The following FAM216A variants were observed in gnomAD, a reference collection of about 807,000 sequenced individuals.
FAM216A encodes protein FAM216A.
A neutral mutation model predicts 37.6 loss-of-function variants in FAM216A; 26 were observed. That is an observed-to-expected ratio of 0.69 (90% CI 0.51 to 0.96). The LOEUF (loss-of-function observed/expected upper bound fraction) is 0.96. Ranked by LOEUF, FAM216A falls within the 40% of genes least tolerant of loss-of-function variation. FAM216A has a pLI of 0.00. For synonymous variants in FAM216A, 110 were observed against 121.7 expected, an observed-to-expected ratio of 0.90 and a Z score of 0.64; for missense variants, 326 against 339.3, an observed-to-expected ratio of 0.96 and a Z score of 0.31.
intron 5 of FAM216A, chr12:110,487,512 A>T (rs1248786517): frequency 4.9e-6 from 1 of 202,550 alleles, no homozygotes; most frequent in African/African-American, 2.4e-5. Flanking sequence ...TTGTGGAATT[A>T]TAAAAATTTC....
chr12:110,488,027 T>C (rs567366191), intron 6 of FAM216A, 84 bp downstream of exon 6: 10 of 797,872 alleles, frequency 1.3e-5, no homozygotes, highest in South Asian at 1.1e-4. Context: ...ATTTCTATTA[T>C]GAAGATATTA....
intron 5 of FAM216A, chr12:110,487,090 T>C (rs2062781518): frequency 6.0e-6 from 1 of 166,656 alleles, no homozygotes; most frequent in Non-Finnish European, 1.3e-5. Context: ...CCTAATATAT[T>C]CACTTTGCTA....
chr12:110,470,557 A>G (rs1444105485), intron 1 of FAM216A, among the ~76,000 whole-genome samples: 1 of 151,246 alleles, frequency 6.6e-6, no homozygotes, highest in African/African-American at 2.4e-5. Flanking sequence ...AGCTAACTGC[A>G]ACCTCCGCCT....
At chr12:110,468,666 C>A, upstream of FAM216A, 1 of 1,536,622 alleles carries the variant, frequency 6.5e-7, no homozygotes, top group Non-Finnish European at 8.7e-7. Flanking sequence ...CGCACTGCTT[C>A]CACAGAGAGG....
intron 1 of FAM216A, 116 bp downstream of exon 1, chr12:110,469,134 G>C: frequency 8.3e-7 from 1 of 1,199,924 alleles, no homozygotes; most frequent in Non-Finnish European, 1.1e-6. Context: ...TCGGGGGCTG[G>C]CCCCGGTGCC....
In FAM216A at chr12:110,468,903, G is replaced by T. The variant is rs1253057015; in HGVS notation, c.28G>T (p.Ala10Ser). Residue 10 changes from alanine (A) to serine (S), a missense_variant, in exon 1 of 7, where the codon GCT becomes TCT. Physicochemically the swap from Ala to Ser is moderately conservative, Grantham distance 99. Coordinates refer to ENST00000377673, the MANE Select transcript of FAM216A (RefSeq NM_013300.3). ...GCTGGGACAGCTGCTCCCGCACACG[G>T]CTCGCGGTCTCGGCGCCGCGGAGAT... MLGQLLPHT[A>S]RGLGAAEMPG... 1.3e-6 allele frequency: 2 copies of T among 1,520,844 alleles called. No homozygotes were observed. The highest frequency in any genetic ancestry group is 2.5e-5 in the East Asian group (1 of 40,488). 94.2% of individuals were successfully genotyped at this position (1,520,844 alleles called of 1,614,324 possible).
intron 1 of FAM216A, among the ~76,000 whole-genome samples, chr12:110,471,181 G>A (rs190589348): frequency 1.1e-4 from 16 of 151,836 alleles, no homozygotes; most frequent in Admixed American, 1.1e-3. Context: ...TGCAACCTCC[G>A]CCTCCCAGGT....
intron 1 of FAM216A, 22 bp from the exon 2 acceptor site, chr12:110,473,056 A>C (rs1255799726): frequency 1.5e-6 from 2 of 1,349,270 alleles, no homozygotes; most frequent in Non-Finnish European, 2.1e-6. Context: ...CATATTATTT[A>C]TATGCTTTAT....
chr12:110,486,152 T>C, intron 3 of FAM216A, 173 bp from the exon 4 acceptor site: 1 of 621,242 alleles, frequency 1.6e-6, no homozygotes, highest in Non-Finnish European at 2.7e-6. Context: ...GCAGAGCCAC[T>C]TGCACTGTTT....
chr12:110,482,726 C>T (rs537722991), intron 2 of FAM216A, among the ~76,000 whole-genome samples: 7 of 148,760 alleles, frequency 4.7e-5, no homozygotes, highest in African/African-American at 7.4e-5. Flanking sequence ...ACCTGGGAGG[C>T]GGAGCTTGCA....
In FAM216A at chr12:110,468,933, G is replaced by T; in HGVS notation, c.58G>T (p.Gly20Cys). 11 of 1,524,114 alleles carry T rather than the reference G, an allele frequency of 7.2e-6. No individual in the cohort carries two copies. Among genetic ancestry groups the T allele is most frequent in the Non-Finnish European group, 9.7e-6 (11 of 1,138,616 alleles). 94.4% of individuals were successfully genotyped at this position (1,524,114 alleles called of 1,614,324 possible). A position where few individuals can be genotyped will look rare whatever the true frequency, so the allele number is the denominator to read the frequency against. Residue 20 changes from glycine (G) to cysteine (C), a missense_variant, in exon 1 of 7, where the codon GGC becomes TGC. Gly to Cys is a radical substitution (Grantham distance 159, BLOSUM62 -3). Transcript: ENST00000377673. ...CGGTCTCGGCGCCGCGGAGATGCCC[G>T]GCCAGGGTCCGGGGTCCGACTGGAC... Reference protein sequence around the residue: ...ARGLGAAEMPGQGPGSDWTER... With the variant: ...ARGLGAAEMPCQGPGSDWTER...
chr12:110,480,908 A>G (rs957769507), intron 2 of FAM216A, among the ~76,000 whole-genome samples: 5 of 152,064 alleles, frequency 3.3e-5, no homozygotes, highest in Non-Finnish European at 7.4e-5. Flanking sequence ...AACAAAATAA[A>G]AAACCACTAA....
At chr12:110,489,710 T>C (rs1422072200) in intron 6 of FAM216A, among the ~76,000 whole-genome samples, 1 of 152,034 alleles carries the variant, frequency 6.6e-6, no homozygotes, top group Middle Eastern at 3.2e-3. Flanking sequence ...AGGAACTAAA[T>C]GAAAATGCAG....
chr12:110,472,948 C>A (rs2062694228), intron 1 of FAM216A, 130 bp from the exon 2 acceptor site: 1 of 355,296 alleles, frequency 2.8e-6, no homozygotes, highest in Non-Finnish European at 5.1e-6. Context: ...TGCACTCCAG[C>A]CTGGGTGACA....
chr12:110,482,743 C>T (rs1447699597), intron 2 of FAM216A, among the ~76,000 whole-genome samples: 1 of 148,094 alleles, frequency 6.8e-6, no homozygotes, highest in African/African-American at 2.5e-5. Context: ...TGCAGTGAGC[C>T]GAAATGGCGC....
chr12:110,476,536 C>G (rs774281061), intron 2 of FAM216A, among the ~76,000 whole-genome samples: 1 of 147,018 alleles, frequency 6.8e-6, no homozygotes, highest in Non-Finnish European at 1.5e-5. Flanking sequence ...TAGCTTTTTT[C>G]TTTTTTTTGA....
intron 2 of FAM216A, among the ~76,000 whole-genome samples, chr12:110,474,853 A>T (rs1305734028): frequency 6.6e-6 from 1 of 152,058 alleles, no homozygotes; most frequent in Admixed American, 6.6e-5. Flanking sequence ...ATAAAAAATC[A>T]GCTGGGTGTG....
chr12:110,473,544 T>G (rs2062698690), intron 2 of FAM216A, among the ~76,000 whole-genome samples: 1 of 152,190 alleles, frequency 6.6e-6, no homozygotes, highest in Non-Finnish European at 1.5e-5. Context: ...TGTATTAGCA[T>G]CCTTGGTGAA....
chr12:110,483,324 C>G (rs1441994540), intron 2 of FAM216A, among the ~76,000 whole-genome samples: 54 of 89,544 alleles, frequency 6.0e-4, no homozygotes, highest in Middle Eastern at 6.8e-3. Context: ...GAGCGAGACT[C>G]CTTCTCAAAA....
Sources: allele counts gnomAD v4.1 joint callset (sites outside exome capture counted in the v4.1 genomes callset), GRCh38; gene constraint gnomAD v4.1.1; transcripts MANE v1.5; gene names NCBI Gene and HGNC (gene_info 2026-07-23, HGNC 2026-07-21).